Variants in PSG1 observed in about 807,000 individuals in gnomAD.
PSG1 encodes the protein pregnancy-specific beta-1-glycoprotein 1.
PSG1 carries 60 observed loss-of-function variants against 41.4 expected under a neutral mutation model. The observed-to-expected ratio is 1.45, with a 90% CI of 1.18 to 1.80. PSG1 has a LOEUF of 1.80. PSG1 is among the 40% of genes most tolerant of loss of function. PSG1 has a pLI of 0.00. For synonymous variants in PSG1, 256 were observed against 192.9 expected, an observed-to-expected ratio of 1.33 and a Z score of -2.71; for missense variants, 806 against 516.9, an observed-to-expected ratio of 1.56 and a Z score of -5.42.
intron 2 of PSG1, chr19:42,874,175 C>G (rs1026993823): frequency 6.0e-5 from 9 of 151,102 alleles, no homozygotes; most frequent in African/African-American, 9.8e-5. Flanking sequence ...ATTGTCAAAA[C>G]AAAATATTAA....
intron 5 of PSG1, chr19:42,867,575 G>A: frequency 1.5e-6 from 1 of 650,648 alleles, no homozygotes; most frequent in Non-Finnish European, 2.8e-6. Context: ...TTTCAAATGT[G>A]TCATGTTACA....
At chr19:42,878,319 G>T in intron 1 of PSG1, 41 bp from the exon 2 acceptor site, 1 of 1,561,382 alleles carries the variant, frequency 6.4e-7, no homozygotes, top group Non-Finnish European at 8.7e-7. Flanking sequence ...TGAGACCTAT[G>T]TATTGGTGTG....
chr19:42,870,488 G>C (rs751912110), intron 3 of PSG1: 2 of 151,538 alleles, frequency 1.3e-5, no homozygotes, highest in African/African-American at 4.9e-5. Flanking sequence ...AAGGCCTTGG[G>C]ATGTGAGAAA....
At position 42,878,530 on chromosome 19, in the gene PSG1, G is replaced by T. The variant is rs10416700; in HGVS notation, c.65-252C>A. On this transcript the variant is annotated intron_variant, in intron 1 of 5. Coordinates refer to ENST00000436291, the MANE Select transcript of PSG1 (RefSeq NM_001184825.2). ...CGCCCATTCCTTCAACACTTCTGAC[G>T]TTGGCATTTTTCTGTTTGGAATCCT... The T allele has an allele frequency of 3.8e-5, 22 of 578,612 alleles. 1 individual carries two copies. Among genetic ancestry groups the T allele is most frequent in the Non-Finnish European group, 5.6e-5 (21 of 377,964 alleles). 35.8% of individuals were successfully genotyped at this position (578,612 alleles called of 1,614,324 possible). A position where few individuals can be genotyped will look rare whatever the true frequency, so the allele number is the denominator to read the frequency against.
chr19:42,870,688 G>C (rs1334038744), intron 3 of PSG1: 7 of 151,530 alleles, frequency 4.6e-5, no homozygotes, highest in Admixed American at 4.6e-4. Flanking sequence ...AACTCATTTT[G>C]GGTAATGTTG....
At position 42,871,960 on chromosome 19, in the gene PSG1, C is replaced by G; in HGVS notation, c.516G>C (p.Glu172Asp). The G allele has an allele frequency of 6.2e-7, 1 of 1,612,480 alleles. No individual in the cohort carries two copies. The highest frequency in any genetic ancestry group is 1.1e-5 in the South Asian group (1 of 90,812). The change falls in exon 3 of 6, where the codon GAG (glutamate) becomes GAC (aspartate). Residue 172 changes from glutamate to aspartate, a missense_variant. Physicochemically the swap from Glu to Asp is conservative, Grantham distance 45. Transcript: ENST00000436291. Reference protein sequence around the residue: ...MEAVSLTCDPETPDASYLWWM... With the variant: ...MEAVSLTCDPDTPDASYLWWM... ...ACCACAGGTAGCTTGCGTCTGGAGT[C>G]TCAGGGTCACAGGTTAAGCTCACAG...
chr19:42,879,208 G>A (rs1162371267), intron 1 of PSG1, among the ~76,000 whole-genome samples: 14 of 147,456 alleles, frequency 9.5e-5, no homozygotes, highest in East Asian at 4.0e-4. Context: ...GCTGGCATGC[G>A]GTGGTGCTAT....
Position 42,878,147 on chromosome 19 carries a change from T to C in PSG1, c.196A>G (p.Ile66Val), listed in dbSNP as rs756805993. 1.2e-6 allele frequency: 2 copies of C among 1,612,210 alleles called. No homozygotes were observed. Among genetic ancestry groups the C allele is most frequent in the African/African-American group, 1.3e-5 (1 of 74,604 alleles). Residue 66 changes from isoleucine to valine, a missense_variant, in exon 2 of 6, where the codon ATC (isoleucine) becomes GTC (valine). Coordinates refer to ENST00000436291, the MANE Select transcript of PSG1 (RefSeq NM_001184825.2). ...HNLPQNLTGY[I>V]WYKGQMRDLY... The stretch of plus-strand genomic sequence containing the variant: ...TCCCTCATTTGCCCTTTGTACCAGA[T>C]GTAGCCGGTAAGATTCTGGGGCAAA...
intron 2 of PSG1, among the ~76,000 whole-genome samples, chr19:42,872,627 G>C (rs936376376): frequency 1.3e-5 from 2 of 151,602 alleles, no homozygotes; most frequent in African/African-American, 4.8e-5. Flanking sequence ...CCACGAGGTG[G>C]GGCAGTTTTC....
chr19:42,868,219 T>C lies in PSG1; in HGVS notation c.1125A>G (p.Pro375=). 1 of 1,612,394 alleles carries C rather than the reference T, an allele frequency of 6.2e-7. No individual in the cohort carries two copies. The change falls in exon 5 of 6, where the codon CCA becomes CCG. Residue 375 remains proline (P), a synonymous_variant. Coordinates refer to ENST00000436291, the MANE Select transcript of PSG1 (RefSeq NM_001184825.2). ...TATGGCGGATAAAGAGCTTTTGTCCTGGTAGCTGAAACTTTTCATTAATTG... is the reference window on the plus strand; with the variant it reads ...TATGGCGGATAAAGAGCTTTTGTCCCGGTAGCTGAAACTTTTCATTAATTG... The part of the protein sequence containing the change: ...SWTINEKFQL[P]GQKLFIRHIT...
intron 2 of PSG1, among the ~76,000 whole-genome samples, chr19:42,873,531 G>A (rs868765387): frequency 7.2e-5 from 11 of 151,838 alleles, no homozygotes; most frequent in Middle Eastern, 6.8e-3. Flanking sequence ...TTCATAAGTG[G>A]AAATTTTTAC....
chr19:42,872,248 C>G (rs890805722), intron 2 of PSG1, among the ~76,000 whole-genome samples: 1 of 151,528 alleles, frequency 6.6e-6, no homozygotes, highest in Non-Finnish European at 1.5e-5. Context: ...GTGGGAGAAG[C>G]ACAGACTTTC....
At chr19:42,871,553 C>G (rs948429698) in intron 3 of PSG1, among the ~76,000 whole-genome samples, 7 of 151,620 alleles carry the variant, frequency 4.6e-5, no homozygotes, top group Non-Finnish European at 8.8e-5. Flanking sequence ...AGCTGTGGAC[C>G]CTGAGTCTCC....
At chr19:42,868,726 C>T in intron 4 of PSG1, 30 bp downstream of exon 4, 1 of 1,609,108 alleles carries the variant, frequency 6.2e-7, no homozygotes, top group Non-Finnish European at 8.5e-7. Flanking sequence ...AGCTGGTGTC[C>T]TGGCCCACAG....
intron 2 of PSG1, among the ~76,000 whole-genome samples, chr19:42,874,588 G>T (rs910096270): frequency 1.3e-5 from 2 of 151,752 alleles, no homozygotes; most frequent in Admixed American, 1.3e-4. Context: ...CCTTGTGCCC[G>T]CCTCGGCCTC....
chr19:42,877,977 T>A lies in PSG1; in HGVS notation c.366A>T (p.Leu122Phe), dbSNP rs1480602526. Residue 122 changes from leucine (L) to phenylalanine (F), a missense_variant, in exon 2 of 6, where the codon TTA (leucine) becomes TTT (phenylalanine). By Grantham distance (22) the Leu-to-Phe change is conservative (BLOSUM62 0). Transcript: ENST00000436291. ...VTREDAGSYT[L>F]HIIKGDDGTR... ...TCCCATCATCTCCCTTTATGATGTG[T>A]AAGGTGTAGGATCCTGCGTCCTCCC... The A allele has an allele frequency of 6.2e-7, 1 of 1,612,166 alleles. No individual in the cohort carries two copies. Among genetic ancestry groups the A allele is most frequent in the African/African-American group, 1.3e-5 (1 of 74,594 alleles).
In PSG1 at chr19:42,868,910, C is replaced by G. The variant is rs1473587902; in HGVS notation, c.834G>C (p.Gln278His). ...NYTYIWWLNG[Q>H]SLPVSPRVKR... The stretch of plus-strand genomic sequence containing the variant: ...TTACCCTGGGACTGACCGGGAGGCT[C>G]TGACCATTTAGCCACCAAATGTAGG... Residue 278 changes from glutamine (Q) to histidine (H), a missense_variant, in exon 4 of 6, where the codon CAG (glutamine) becomes CAC (histidine). Physicochemically the swap from Gln to His is conservative, Grantham distance 24. Coordinates refer to ENST00000436291, the MANE Select transcript of PSG1 (RefSeq NM_001184825.2). 6.2e-7 allele frequency: 1 copy of G among 1,610,488 alleles called. No individual in the cohort carries two copies. Among genetic ancestry groups the G allele is most frequent in the African/African-American group, 1.3e-5 (1 of 74,652 alleles).
chr19:42,867,084 G>A lies in PSG1; in HGVS notation c.*50C>T. On this transcript the variant is annotated 3_prime_UTR_variant, in exon 6 of 6. Transcript: ENST00000436291. ...GGGCTTCTGGAACAGAGTGGGTCTTGCTCTTAGTGATTCCATGGGAGAAAA... is the reference window on the plus strand; with the variant it reads ...GGGCTTCTGGAACAGAGTGGGTCTTACTCTTAGTGATTCCATGGGAGAAAA... 1.3e-6 allele frequency: 1 copy of A among 772,716 alleles called. No individual in the cohort carries two copies. Among genetic ancestry groups the A allele is most frequent in the South Asian group, 1.3e-5 (1 of 74,392 alleles). The allele number at this position is 772,716 out of a possible 1,614,324, so 47.9% of individuals were successfully genotyped here. A position where few individuals can be genotyped will look rare whatever the true frequency, so the allele number is the denominator to read the frequency against.
chr19:42,874,676 A>G (rs1406237920), intron 2 of PSG1, among the ~76,000 whole-genome samples: 1 of 151,704 alleles, frequency 6.6e-6, no homozygotes, highest in Non-Finnish European at 1.5e-5. Flanking sequence ...TTGCCTTTTG[A>G]GTTTGTTCAG....
Sources: gnomAD v4.1 joint callset for allele counts (sites outside exome capture counted in the v4.1 genomes callset) on GRCh38, gnomAD v4.1.1 for gene constraint, MANE v1.5 for transcripts, NCBI Gene and HGNC (gene_info 2026-07-23, HGNC 2026-07-21) for gene names.